Variants in HLA-DOA observed in about 807,000 individuals in gnomAD.
The protein encoded by HLA-DOA is HLA class II histocompatibility antigen, DO alpha chain.
Under a neutral mutation model 22.9 loss-of-function variants are expected in HLA-DOA, and 27 were observed. That is an observed-to-expected ratio of 1.18 (90% CI 0.87 to 1.62). The LOEUF (loss-of-function observed/expected upper bound fraction) is 1.62, where lower values mean the gene tolerates loss of function less well. Among genes scored for constraint, HLA-DOA ranks in the 40% most tolerant of loss-of-function variants. HLA-DOA has a pLI of 0.00. For missense variants in HLA-DOA, 324 were observed against 332.4 expected, an observed-to-expected ratio of 0.97 and a Z score of 0.20; for synonymous variants, 137 against 138.6, an observed-to-expected ratio of 0.99 and a Z score of 0.08.
Position 33,007,587 on chromosome 6 carries a change from G to T in HLA-DOA, c.337C>A (p.Pro113Thr), listed in dbSNP as rs780022984. The T allele has an allele frequency of 4.3e-6, 7 of 1,609,582 alleles. No homozygotes were observed. In the African/African-American group the frequency reaches 9.3e-5, roughly 21 times the overall value. ...SNRSRAINVP[P>T]RVTVLPKSRV... is the part of the protein sequence containing the mutation. ...GACTTGGGGAGCACGGTCACCCGTG[G>T]AGGCACTAGGAGGAACAGGCCCTGA... is the stretch of plus-strand genomic sequence containing the variant. The change falls in exon 3 of 5, where the codon CCA (proline) becomes ACA (threonine). Residue 113 changes from proline to threonine, a missense_variant. Transcript: ENST00000229829.
chr6:33,007,737 A>G, intron 2 of HLA-DOA, 145 bp from the exon 3 acceptor site: 1 of 953,910 alleles, frequency 1.0e-6, no homozygotes, highest in Non-Finnish European at 1.5e-6. Flanking sequence ...GAGGAGGAAA[A>G]CAGAGGGAGA....
intron 4 of HLA-DOA, 69 bp from the exon 5 acceptor site, chr6:33,006,910 C>T (rs1780831618): frequency 1.4e-6 from 2 of 1,450,118 alleles, no homozygotes; most frequent in Non-Finnish European, 9.7e-7. Context: ...TCTCTGAGTG[C>T]CCACCTCCCC....
At chr6:33,007,633 C>T in intron 2 of HLA-DOA, 41 bp from the exon 3 acceptor site, 2 of 1,574,614 alleles carry the variant, frequency 1.3e-6, no homozygotes, top group Non-Finnish European at 1.7e-6. Context: ...TCATCCCTCA[C>T]CCCAGGGCCT....
In HLA-DOA at chr6:33,006,065, T is replaced by C. The variant is rs1253858666; in HGVS notation, c.*773A>G. 4 of 152,176 alleles carry C rather than the reference T, an allele frequency of 2.6e-5. No homozygotes were observed. The highest frequency in any genetic ancestry group is 4.8e-5 in the African/African-American group (2 of 41,412). The allele number at this position is 152,176 out of a possible 1,614,324, so 9.4% of individuals were successfully genotyped here. On this transcript the variant is annotated 3_prime_UTR_variant, in exon 5 of 5. Transcript: ENST00000229829. ...AATCTTCTAGGCCACATATTTAGAG[T>C]GTGTCTAGGTGGACCTCCCCTCTTA...
intron 4 of HLA-DOA, 33 bp from the exon 5 acceptor site, chr6:33,006,874 C>G (rs2127549312): frequency 6.3e-7 from 1 of 1,580,290 alleles, no homozygotes; most frequent in Non-Finnish European, 8.7e-7. Context: ...ATCGAGGTTG[C>G]TCAATTTCAA....
chr6:33,008,500 G>T, intron 1 of HLA-DOA: 1 of 1,090,598 alleles, frequency 9.2e-7, no homozygotes, highest in Non-Finnish European at 1.2e-6. Flanking sequence ...ATATCAGGAT[G>T]GGAAGAGGAG....
Position 33,007,436 on chromosome 6 carries a change from A to G in HLA-DOA, c.488T>C (p.Phe163Ser), listed in dbSNP as rs1332568375. Reference sequence around the variant, plus strand: ...GAACAAATGGTCAGGCTGGGAATAGAAGCTGGTCTGGGCCACTCCCTCAGT... The same window carrying G: ...GAACAAATGGTCAGGCTGGGAATAGGAGCTGGTCTGGGCCACTCCCTCAGT... ...TVTEGVAQTS[F>S]YSQPDHLFRK... Residue 163 changes from phenylalanine to serine, a missense_variant, in exon 3 of 5, where the codon TTC (phenylalanine) becomes TCC (serine). Physicochemically the swap from Phe to Ser is radical, Grantham distance 155 (BLOSUM62 -2). Coordinates refer to ENST00000229829, the MANE Select transcript of HLA-DOA (RefSeq NM_002119.4). The G allele has an allele frequency of 6.2e-7, 1 of 1,609,950 alleles. No individual in the cohort carries two copies. Among genetic ancestry groups the G allele is most frequent in the East Asian group, 2.2e-5 (1 of 44,832 alleles).
Position 33,007,603 on chromosome 6 carries a change from C to G in HLA-DOA, c.332-11G>C. On this transcript the variant is annotated splice_polypyrimidine_tract_variant and intron_variant, in intron 2 of 4. Transcript: ENST00000229829. ...TCACCCGTGGAGGCACTAGGAGGAACAGGCCCTGAGTCCACAGGCTCATCC... is the reference window on the plus strand; with the variant it reads ...TCACCCGTGGAGGCACTAGGAGGAAGAGGCCCTGAGTCCACAGGCTCATCC... 1 of 1,606,332 alleles carries G rather than the reference C, an allele frequency of 6.2e-7. No homozygotes were observed. The highest frequency in any genetic ancestry group is 8.5e-7 in the Non-Finnish European group (1 of 1,176,782).
rs570962980 is a variant in HLA-DOA at position 33,007,121 on chromosome 6, G to A, written c.708C>T (p.Thr236=). 1.7e-5 allele frequency: 28 copies of A among 1,613,838 alleles called. No individual in the cohort carries two copies. The East Asian group carries it at 2.5e-4, about 14-fold the overall frequency. ...CATATGTGCCCATGATGATGAGGAC[G>A]GTGCCCACGAGGAAGCCCACCAGGC... is the stretch of plus-strand genomic sequence containing the variant. The part of the protein sequence containing the change: ...AIGLVGFLVG[T]VLIIMGTYVS... Residue 236 remains threonine, a synonymous_variant, in exon 4 of 5, where the codon ACC becomes ACT. Coordinates refer to ENST00000229829, the MANE Select transcript of HLA-DOA (RefSeq NM_002119.4).
At position 33,006,799 on chromosome 6, in the gene HLA-DOA, C is replaced by A; in HGVS notation, c.*39G>T. On this transcript the variant is annotated 3_prime_UTR_variant, in exon 5 of 5. Coordinates refer to ENST00000229829, the MANE Select transcript of HLA-DOA (RefSeq NM_002119.4). ...GCTGTCACAAACCCATGAGGATCTG[C>A]AGGGTGTCTCCCACAAGTCATTTCT... 1 of 1,612,962 alleles carries A rather than the reference C, an allele frequency of 6.2e-7. No individual in the cohort carries two copies. The highest frequency in any genetic ancestry group is 8.5e-7 in the Non-Finnish European group (1 of 1,179,952).
In HLA-DOA at chr6:33,009,026, C is replaced by T. The variant is rs1780949139; in HGVS notation, c.82+429G>A. Among the ~76,000 whole-genome samples, 1 of 152,152 alleles carries T rather than the reference C, an allele frequency of 6.6e-6. No homozygotes were observed. The highest frequency in any genetic ancestry group is 2.4e-5 in the African/African-American group (1 of 41,422). On this transcript the variant is annotated intron_variant, in intron 1 of 4. Transcript: ENST00000229829. This position sits in a 1 kb window ranked among gnomAD's most constrained non-coding sequence, Gnocchi z 4.8. Reference sequence around the variant, plus strand: ...AAAAAAAAGATGAACCATCTGTAGACCCGCACCCCAGCTCATGTCTCCCGA... The same window carrying T: ...AAAAAAAAGATGAACCATCTGTAGATCCGCACCCCAGCTCATGTCTCCCGA...
At position 33,006,796 on chromosome 6, in the gene HLA-DOA, C is replaced by G; in HGVS notation, c.*42G>C. The G allele has an allele frequency of 1.9e-6, 3 of 1,613,026 alleles. No homozygotes were observed. Among genetic ancestry groups the G allele is most frequent in the Non-Finnish European group, 2.5e-6 (3 of 1,179,982 alleles). On this transcript the variant is annotated 3_prime_UTR_variant, in exon 5 of 5. Coordinates refer to ENST00000229829, the MANE Select transcript of HLA-DOA (RefSeq NM_002119.4). ...GGGGCTGTCACAAACCCATGAGGATCTGCAGGGTGTCTCCCACAAGTCATT... is the reference window on the plus strand; with the variant it reads ...GGGGCTGTCACAAACCCATGAGGATGTGCAGGGTGTCTCCCACAAGTCATT...
Position 33,007,220 on chromosome 6 carries a change from G to A in HLA-DOA, c.614-5C>T, listed in dbSNP as rs200566516. Reference sequence around the variant, plus strand: ...GTGGAATAGGCACCTGGAGCTCTAGGAGAGAAAGGAAGGAGTTGGTGGTAT... The same window carrying A: ...GTGGAATAGGCACCTGGAGCTCTAGAAGAGAAAGGAAGGAGTTGGTGGTAT... On this transcript the variant is annotated splice_region_variant and splice_polypyrimidine_tract_variant and intron_variant, in intron 3 of 4. Coordinates refer to ENST00000229829, the MANE Select transcript of HLA-DOA (RefSeq NM_002119.4). 1.9e-6 allele frequency: 3 copies of A among 1,613,740 alleles called. No homozygotes were observed. The African/African-American group carries it at 4.0e-5, about 22-fold the overall frequency.
chr6:33,006,741 G>T lies in HLA-DOA; in HGVS notation c.*97C>A, dbSNP rs753347071. On this transcript the variant is annotated 3_prime_UTR_variant, in exon 5 of 5. Coordinates refer to ENST00000229829, the MANE Select transcript of HLA-DOA (RefSeq NM_002119.4). ...TGATCCCACTCAAAGTCAGCACAGC[G>T]GGATGCACTTAAAGGGCACTGAGCA... 1.2e-6 allele frequency: 2 copies of T among 1,605,348 alleles called. No homozygotes were observed.
chr6:33,006,991 C>A, intron 4 of HLA-DOA, 89 bp downstream of exon 4: 2 of 1,530,340 alleles, frequency 1.3e-6, no homozygotes, highest in Middle Eastern at 1.7e-4. Flanking sequence ...CTTCTTTCCC[C>A]ACAACAGAAT....
intron 2 of HLA-DOA, 140 bp from the exon 3 acceptor site, chr6:33,007,732 G>A (rs901040664): frequency 8.0e-5 from 82 of 1,023,978 alleles, no homozygotes; most frequent in Non-Finnish European, 1.1e-4. Context: ...CAGGAGAGGA[G>A]GAAAACAGAG....
rs139786158 is a variant in HLA-DOA, at chr6:33,007,628, C to T, written c.332-36G>A. Reference sequence around the variant, plus strand: ...CAGGCCCTGAGTCCACAGGCTCATCCCTCACCCCAGGGCCTTACTAGGACT... The same window carrying T: ...CAGGCCCTGAGTCCACAGGCTCATCTCTCACCCCAGGGCCTTACTAGGACT... On this transcript the variant is annotated intron_variant, in intron 2 of 4. Transcript: ENST00000229829. The T allele has an allele frequency of 1.6e-4, 253 of 1,590,400 alleles. 2 individuals carry two copies. The East Asian group carries it at 5.3e-3, about 33-fold the overall frequency.
In HLA-DOA at chr6:33,007,603, C is replaced by T. The variant is rs535486308; in HGVS notation, c.332-11G>A. The T allele has an allele frequency of 1.2e-4, 187 of 1,606,332 alleles. No individual in the cohort carries two copies. The highest frequency in any genetic ancestry group is 7.6e-5 in the Non-Finnish European group (89 of 1,176,782). On this transcript the variant is annotated splice_polypyrimidine_tract_variant and intron_variant, in intron 2 of 4. Transcript: ENST00000229829. Reference sequence around the variant, plus strand: ...TCACCCGTGGAGGCACTAGGAGGAACAGGCCCTGAGTCCACAGGCTCATCC... The same window carrying T: ...TCACCCGTGGAGGCACTAGGAGGAATAGGCCCTGAGTCCACAGGCTCATCC...
rs113990164 is a variant in HLA-DOA at position 33,006,565 on chromosome 6, A to T, written c.*273T>A. On this transcript the variant is annotated 3_prime_UTR_variant, in exon 5 of 5. Coordinates refer to ENST00000229829, the MANE Select transcript of HLA-DOA (RefSeq NM_002119.4). ...AAGGCCTGGAAAGGACACAGTGCAA[A>T]CACCACCAAAGCATTTAGTGCTGCC... 3.3e-6 allele frequency: 2 copies of T among 605,552 alleles called. No individual in the cohort carries two copies. The highest frequency in any genetic ancestry group is 3.7e-5 in the African/African-American group (2 of 54,248). The allele number at this position is 605,552 out of a possible 1,614,324, so 37.5% of individuals were successfully genotyped here. A position where few individuals can be genotyped will look rare whatever the true frequency, so the allele number is the denominator to read the frequency against.
Sources: allele counts gnomAD v4.1 joint callset (sites outside exome capture counted in the v4.1 genomes callset), GRCh38; gene constraint gnomAD v4.1.1; non-coding constraint Gnocchi (gnomAD v3.1); transcripts MANE v1.5; gene names NCBI Gene and HGNC (gene_info 2026-07-23, HGNC 2026-07-21).